PDS5B: variants seen among roughly 807,000 people sequenced by gnomAD.
PDS5B encodes the protein PDS5 cohesin associated factor B.
PDS5B carries 51 observed loss-of-function variants against 184.1 expected under a neutral mutation model. The observed-to-expected ratio is 0.28, with a 90% CI of 0.22 to 0.35. The LOEUF is 0.35. Among genes scored for constraint, PDS5B ranks in the 10% least tolerant of loss-of-function variants. PDS5B has a pLI of 1.00. For missense variants in PDS5B, 1,180 were observed against 1,723.3 expected (o/e 0.68, Z 5.58); for synonymous variants, 566 against 569.2 (o/e 0.99, Z 0.08).
intron 8 of PDS5B, among the ~76,000 whole-genome samples, chr13:32,675,056 T>G (rs1375320677): frequency 6.6e-6 from 1 of 152,130 alleles, no homozygotes; most frequent in African/African-American, 2.4e-5. Flanking sequence ...TAGGTCATAT[T>G]GTCGGGGCTC....
chr13:32,694,937 C>T (rs1035879898), intron 14 of PDS5B, among the ~76,000 whole-genome samples: 1 of 151,370 alleles, frequency 6.6e-6, no homozygotes, highest in African/African-American at 2.4e-5. Flanking sequence ...AAATTGCCTT[C>T]AGGGAAAACA....
intron 1 of PDS5B, among the ~76,000 whole-genome samples, chr13:32,604,349 C>G (rs1420186353): frequency 6.6e-6 from 1 of 152,096 alleles, no homozygotes; most frequent in South Asian, 2.1e-4. Context: ...GTTTTTGTCT[C>G]TGGTTCTGTT....
intron 1 of PDS5B, among the ~76,000 whole-genome samples, chr13:32,595,486 A>G (rs937912651): frequency 6.6e-6 from 1 of 152,230 alleles, no homozygotes; most frequent in African/African-American, 2.4e-5. Context: ...GGGGGTTTCA[A>G]AACACAACTA....
chr13:32,678,773 G>T, intron 9 of PDS5B, 62 bp from the exon 10 acceptor site: 1 of 952,942 alleles, frequency 1.0e-6, no homozygotes, highest in Non-Finnish European at 1.7e-6. Context: ...ATTGGGTACA[G>T]ATTTAACACA....
At chr13:32,638,277 A>G (rs1247493391) in intron 1 of PDS5B, among the ~76,000 whole-genome samples, 3 of 152,216 alleles carry the variant, frequency 2.0e-5, no homozygotes, top group Admixed American at 6.5e-5. Flanking sequence ...TCTAGGTCTG[A>G]AAAAACACTT....
At chr13:32,603,986 G>T (rs1466202011) in intron 1 of PDS5B, among the ~76,000 whole-genome samples, 1 of 152,190 alleles carries the variant, frequency 6.6e-6, no homozygotes, top group Non-Finnish European at 1.5e-5. Flanking sequence ...CTGAGACGAT[G>T]GGGTTTTCTA....
chr13:32,648,744 C>T lies in PDS5B; in HGVS notation c.-19-10C>T, dbSNP rs773802552. ...TTTTTGGTTTGCATCTAATAGTTTT[C>T]TTGTTTCAGGGGTAGAAATATTTCT... is the stretch of plus-strand genomic sequence containing the variant. On this transcript the variant is annotated splice_polypyrimidine_tract_variant and intron_variant, in intron 1 of 34. Transcript: ENST00000315596. 3 of 1,015,970 alleles carry T rather than the reference C, an allele frequency of 3.0e-6. No individual in the cohort carries two copies. Among genetic ancestry groups the T allele is most frequent in the Non-Finnish European group, 1.6e-6 (1 of 642,088 alleles). The allele number at this position is 1,015,970 out of a possible 1,614,324, so 62.9% of individuals were successfully genotyped here.
chr13:32,653,931 A>T (rs1219975655), intron 3 of PDS5B, among the ~76,000 whole-genome samples: 4 of 152,140 alleles, frequency 2.6e-5, no homozygotes, highest in Admixed American at 1.3e-4. Context: ...ATAATCAAGG[A>T]CCTATTTCAG....
chr13:32,653,757 C>T (rs1479401926), intron 3 of PDS5B, among the ~76,000 whole-genome samples: 1 of 152,160 alleles, frequency 6.6e-6, no homozygotes, highest in African/African-American at 2.4e-5. Flanking sequence ...GTGAATTTCT[C>T]ATTTGGAGAT....
chr13:32,634,783 A>G (rs923338619), intron 1 of PDS5B, among the ~76,000 whole-genome samples: 1 of 152,032 alleles, frequency 6.6e-6, no homozygotes, highest in African/African-American at 2.4e-5. Flanking sequence ...GAGTTTCACT[A>G]TCTTGGTCAG....
chr13:32,694,634 G>T (rs1951651174), intron 14 of PDS5B, among the ~76,000 whole-genome samples: 1 of 151,758 alleles, frequency 6.6e-6, no homozygotes, highest in African/African-American at 2.4e-5. Flanking sequence ...ACTTTATGTT[G>T]CCACTCTAAG....
At chr13:32,721,641 C>T (rs565483182) in intron 19 of PDS5B, among the ~76,000 whole-genome samples, 143 of 144,956 alleles carry the variant, frequency 9.9e-4, no homozygotes, top group African/African-American at 1.6e-4. Context: ...ACATCCCAGA[C>T]GGGGCGGCCG....
At chr13:32,770,878 G>C (rs1392090764) in intron 33 of PDS5B, 117 bp downstream of exon 33, 1 of 721,396 alleles carries the variant, frequency 1.4e-6, no homozygotes. Context: ...CATTACACTA[G>C]GTAAGATAAA....
At chr13:32,743,254 C>T (rs778082673) in intron 23 of PDS5B, among the ~76,000 whole-genome samples, 13 of 152,026 alleles carry the variant, frequency 8.6e-5, no homozygotes, top group Non-Finnish European at 1.8e-4. Flanking sequence ...TCTGGTTCCA[C>T]CACTTACTAG....
chr13:32,611,384 G>A (rs919780025), intron 1 of PDS5B, among the ~76,000 whole-genome samples: 1 of 151,652 alleles, frequency 6.6e-6, no homozygotes, highest in African/African-American at 2.4e-5. Context: ...ATTCATTAGT[G>A]TAGTAGCCTC....
At position 32,758,151 on chromosome 13, in the gene PDS5B, A is replaced by G; in HGVS notation, c.3121A>G (p.Arg1041Gly). The change falls in exon 27 of 35, where the codon AGA becomes GGA. Residue 1041 changes from arginine to glycine, a missense_variant. Transcript: ENST00000315596. ...KNENNSHAFI[R>G]KMVENIKQTK... is the part of the protein sequence containing the mutation. ...TGAAAATAACAGTCACGCTTTTATC[A>G]GAAAGATGGTAGAAAATATTAAACA... The G allele has an allele frequency of 6.5e-7, 1 of 1,548,506 alleles. No individual in the cohort carries two copies. Among genetic ancestry groups the G allele is most frequent in the Non-Finnish European group, 8.8e-7 (1 of 1,133,046 alleles).
At chr13:32,694,344 A>T in intron 14 of PDS5B, 40 bp downstream of exon 14, 1 of 1,168,138 alleles carries the variant, frequency 8.6e-7, no homozygotes, top group Non-Finnish European at 1.3e-6. Flanking sequence ...TTTAAAACAC[A>T]TGTATTTTAA....
intron 22 of PDS5B, among the ~76,000 whole-genome samples, chr13:32,742,044 A>T (rs1953578402): frequency 6.6e-6 from 1 of 152,188 alleles, no homozygotes; most frequent in African/African-American, 2.4e-5. Context: ...ACACTATCGA[A>T]GACCCTCTTA....
rs1247536041 is a variant in PDS5B, at chr13:32,774,889, A to C, written c.4309-128A>C. ...GCCAGGGCAGAAAGTAAGGATAAAA[A>C]GTTTCAGGGAAAGGAAAGCAAAGAA... is the stretch of plus-strand genomic sequence containing the variant. On this transcript the variant is annotated intron_variant, in intron 34 of 34. Coordinates refer to ENST00000315596, the MANE Select transcript of PDS5B (RefSeq NM_015032.4). The C allele has an allele frequency of 3.4e-6, 3 of 895,316 alleles. No individual in the cohort carries two copies. In the East Asian group the frequency reaches 7.8e-5, roughly 23 times the overall value. 55.5% of individuals were successfully genotyped at this position (895,316 alleles called of 1,614,324 possible). A position where few individuals can be genotyped will look rare whatever the true frequency, so the allele number is the denominator to read the frequency against.
Sources: allele counts gnomAD v4.1 joint callset (sites outside exome capture counted in the v4.1 genomes callset), GRCh38; gene constraint gnomAD v4.1.1; transcripts MANE v1.5; gene names NCBI Gene and HGNC (gene_info 2026-07-23, HGNC 2026-07-21).